TAFA2: variants seen among roughly 807,000 people sequenced by gnomAD.
The protein encoded by TAFA2 is TAFA chemokine like family member 2.
A neutral mutation model predicts 18.8 loss-of-function variants in TAFA2; 7 were observed. The observed-to-expected ratio is 0.37, with a 90% CI of 0.21 to 0.70. The LOEUF is 0.70. Ranked by LOEUF, TAFA2 falls within the 30% of genes least tolerant of loss-of-function variation. TAFA2 has a pLI of 0.53. For missense variants in TAFA2, 122 were observed against 158.1 expected, an observed-to-expected ratio of 0.77 and a Z score of 1.23; for synonymous variants, 60 against 54.2, an observed-to-expected ratio of 1.11 and a Z score of -0.47.
At chr12:61,866,048 T>A (rs1169814416) in intron 2 of TAFA2, among the ~76,000 whole-genome samples, 1 of 152,182 alleles carries the variant, frequency 6.6e-6, no homozygotes, top group African/African-American at 2.4e-5. Flanking sequence ...ATCTTTTTAA[T>A]TTTACACTGA....
intron 1 of TAFA2, among the ~76,000 whole-genome samples, chr12:62,022,792 C>T (rs189714234): frequency 8.3e-4 from 126 of 152,228 alleles, no homozygotes; most frequent in African/African-American, 2.7e-3. Flanking sequence ...TTATCCACTC[C>T]GATTATTGAC....
intron 1 of TAFA2, among the ~76,000 whole-genome samples, chr12:62,157,078 C>T (rs1303999096): frequency 6.6e-6 from 1 of 151,972 alleles, no homozygotes; most frequent in Non-Finnish European, 1.5e-5. Context: ...TGTAATTATG[C>T]AGTTTGTGAA....
intron 1 of TAFA2, among the ~76,000 whole-genome samples, chr12:62,245,895 T>G (rs1315710702): frequency 6.6e-6 from 1 of 150,764 alleles, no homozygotes; most frequent in Non-Finnish European, 1.5e-5. Flanking sequence ...GATAAAATTT[T>G]AGCTCATTAG....
intron 1 of TAFA2, among the ~76,000 whole-genome samples, chr12:61,924,325 AG>A (rs1877185849): frequency 6.6e-6 from 1 of 152,240 alleles, no homozygotes; most frequent in Non-Finnish European, 1.5e-5. Context: ...AAAAATGTTA[AG>A]GGCAGCCAGA....
intron 1 of TAFA2, among the ~76,000 whole-genome samples, chr12:61,914,780 G>T (rs955968050): frequency 3.3e-5 from 5 of 152,114 alleles, no homozygotes; most frequent in African/African-American, 9.7e-5. Flanking sequence ...AGACAGATAA[G>T]ATTTTTATTC....
At chr12:61,999,977 A>G (rs556597645) in intron 1 of TAFA2, among the ~76,000 whole-genome samples, 23 of 152,284 alleles carry the variant, frequency 1.5e-4, no homozygotes, top group Non-Finnish European at 2.9e-4. Flanking sequence ...ATTTTCATAC[A>G]TTTCCAAAGA....
At chr12:61,993,730 C>T (rs1880087957) in intron 1 of TAFA2, among the ~76,000 whole-genome samples, 1 of 152,144 alleles carries the variant, frequency 6.6e-6, no homozygotes, top group Admixed American at 6.6e-5. Flanking sequence ...GGACTCTTCA[C>T]AAACGGTCAC....
intron 1 of TAFA2, among the ~76,000 whole-genome samples, chr12:61,986,741 A>G (rs951809286): frequency 6.6e-6 from 1 of 152,176 alleles, no homozygotes; most frequent in South Asian, 2.1e-4. Context: ...GTTGCAACAA[A>G]AGGTATTATA....
At chr12:61,821,578 C>A (rs537114593) in intron 2 of TAFA2, among the ~76,000 whole-genome samples, 175 of 152,146 alleles carry the variant, frequency 1.2e-3, no homozygotes, top group Non-Finnish European at 2.0e-3. Flanking sequence ...TATTTCAGAG[C>A]TGTCCTAGGA....
chr12:62,060,448 T>C (rs2136787092), intron 1 of TAFA2, among the ~76,000 whole-genome samples: 1 of 152,378 alleles, frequency 6.6e-6, no homozygotes, highest in Admixed American at 6.5e-5. Flanking sequence ...ACTTACTGTG[T>C]TGCCAGTCTT....
At chr12:61,987,178 AATCTTAAG>A (rs1340712537) in intron 1 of TAFA2, among the ~76,000 whole-genome samples, 1 of 152,240 alleles carries the variant, frequency 6.6e-6, no homozygotes, top group East Asian at 1.9e-4. Flanking sequence ...CTTGCAGTAC[AATCTTAAG>A]ATTCTTGTTA....
At chr12:62,166,007 T>C (rs1159483289) in intron 1 of TAFA2, among the ~76,000 whole-genome samples, 1 of 151,412 alleles carries the variant, frequency 6.6e-6, no homozygotes, top group Non-Finnish European at 1.5e-5. Context: ...AAAAATGATC[T>C]GAATTCTGAC....
intron 1 of TAFA2, among the ~76,000 whole-genome samples, chr12:62,131,648 AACAG>A (rs1273980061): frequency 2.6e-5 from 4 of 152,136 alleles, no homozygotes; most frequent in South Asian, 2.1e-4. Flanking sequence ...AATTCAAGGA[AACAG>A]ACAAAGTGTT....
chr12:61,909,064 T>C (rs1876489948), intron 1 of TAFA2, among the ~76,000 whole-genome samples: 1 of 152,158 alleles, frequency 6.6e-6, no homozygotes, highest in Non-Finnish European at 1.5e-5. Flanking sequence ...TGTAATCCCA[T>C]GGACACAGTG....
intron 1 of TAFA2, among the ~76,000 whole-genome samples, chr12:62,073,513 T>C (rs1300295508): frequency 6.6e-6 from 1 of 151,304 alleles, no homozygotes; most frequent in Non-Finnish European, 1.5e-5. Context: ...CTATATATTA[T>C]AGATAAGAAA....
intron 1 of TAFA2, among the ~76,000 whole-genome samples, chr12:61,870,053 C>T (rs1874531731): frequency 6.6e-6 from 1 of 152,140 alleles, no homozygotes; most frequent in Admixed American, 6.5e-5. Flanking sequence ...GATGGTCAAA[C>T]TGATAACTAG....
At chr12:61,713,001 C>T (rs1034446682) in intron 4 of TAFA2, among the ~76,000 whole-genome samples, 4 of 151,934 alleles carry the variant, frequency 2.6e-5, no homozygotes, top group Non-Finnish European at 5.9e-5. Flanking sequence ...GATTTTTTTG[C>T]TTTTGAATGT....
At chr12:61,899,244 C>A (rs779582282) in intron 1 of TAFA2, among the ~76,000 whole-genome samples, 5 of 152,172 alleles carry the variant, frequency 3.3e-5, no homozygotes, top group Non-Finnish European at 7.4e-5. Flanking sequence ...GTGGGACAGA[C>A]AACTCTGTGG....
intron 1 of TAFA2, among the ~76,000 whole-genome samples, chr12:62,168,220 A>G (rs926729373): frequency 6.6e-5 from 10 of 152,216 alleles, no homozygotes; most frequent in African/African-American, 2.2e-4. Flanking sequence ...GAATTCTTAT[A>G]TCACGACTTT....
Sources: allele counts gnomAD v4.1 joint callset (sites outside exome capture counted in the v4.1 genomes callset), GRCh38; gene constraint gnomAD v4.1.1; transcripts MANE v1.5; gene names NCBI Gene and HGNC (gene_info 2026-07-23, HGNC 2026-07-21).